Variants in DGKH observed in about 807,000 individuals in gnomAD.
DGKH encodes diacylglycerol kinase eta.
A neutral mutation model predicts 159.3 loss-of-function variants in DGKH; 90 were observed. That is an observed-to-expected ratio of 0.57 (90% CI 0.48 to 0.67). The LOEUF (loss-of-function observed/expected upper bound fraction) is 0.67, where lower values mean the gene tolerates loss of function less well. Among genes scored for constraint, DGKH ranks in the 30% least tolerant of loss-of-function variants. The probability of loss-of-function intolerance (pLI) is 0.00; values close to 1 mark genes in which losing one functional copy is unlikely to be tolerated. For synonymous variants in DGKH, 536 were observed against 553.8 expected (o/e 0.97, Z 0.45); for missense variants, 1,181 against 1,506.1 (o/e 0.78, Z 3.57).
intron 1 of DGKH, among the ~76,000 whole-genome samples, chr13:42,104,294 G>T (rs1455432122): frequency 6.6e-6 from 1 of 152,144 alleles, no homozygotes; most frequent in East Asian, 1.9e-4. Flanking sequence ...AATTGTCTTT[G>T]CTTGGGCTAA....
At chr13:42,250,708 A>T (rs1310974053) in intron 29 of DGKH, among the ~76,000 whole-genome samples, 2 of 152,256 alleles carry the variant, frequency 1.3e-5, no homozygotes, top group Non-Finnish European at 1.5e-5. Context: ...CAACCAATTA[A>T]AGGACAGAAG....
chr13:42,187,384 G>T (rs1160387933), intron 14 of DGKH, among the ~76,000 whole-genome samples: 1 of 152,004 alleles, frequency 6.6e-6, no homozygotes, highest in East Asian at 1.9e-4. Context: ...CCCAGTGATT[G>T]ATTTTTTTTG....
At chr13:42,097,364 C>G (rs994192267) in intron 1 of DGKH, among the ~76,000 whole-genome samples, 1 of 152,176 alleles carries the variant, frequency 6.6e-6, no homozygotes, top group Non-Finnish European at 1.5e-5. Context: ...CAAGAGAACA[C>G]GAATACCCTT....
intron 13 of DGKH, among the ~76,000 whole-genome samples, chr13:42,186,634 TATG>T (rs1368787329): frequency 6.6e-6 from 1 of 152,224 alleles, no homozygotes; most frequent in Non-Finnish European, 1.5e-5. Flanking sequence ...AAAATATCCA[TATG>T]ATGAGTCGTG....
chr13:42,205,126 CTT>C (rs1268919216), intron 20 of DGKH, among the ~76,000 whole-genome samples: 2 of 152,040 alleles, frequency 1.3e-5, no homozygotes, highest in South Asian at 2.1e-4. Flanking sequence ...AAGCTGTTCT[CTT>C]TTAAAATGAA....
intron 1 of DGKH, among the ~76,000 whole-genome samples, chr13:42,073,549 T>C (rs987423251): frequency 2.0e-5 from 3 of 152,194 alleles, no homozygotes; most frequent in Non-Finnish European, 4.4e-5. Flanking sequence ...ATAGGCTTCA[T>C]GTTAGATGAT....
chr13:42,193,973 T>C (rs1801762796), intron 16 of DGKH, among the ~76,000 whole-genome samples: 1 of 152,204 alleles, frequency 6.6e-6, no homozygotes, highest in South Asian at 2.1e-4. Context: ...TTTCTTCTTC[T>C]TGTGTACTTT....
chr13:42,047,262 C>G (rs1880849738), upstream of DGKH, among the ~76,000 whole-genome samples: 1 of 152,086 alleles, frequency 6.6e-6, no homozygotes, highest in African/African-American at 2.4e-5. Flanking sequence ...CATACTATTT[C>G]TTAAAACTTC....
intron 1 of DGKH, among the ~76,000 whole-genome samples, chr13:42,054,608 G>T (rs1881613862): frequency 6.6e-6 from 1 of 152,124 alleles, no homozygotes; most frequent in Admixed American, 6.5e-5. Context: ...GGGGAGAACT[G>T]GATAACTCCA....
At chr13:42,047,821 A>C (rs1242230117), upstream of DGKH, among the ~76,000 whole-genome samples, 2 of 151,594 alleles carry the variant, frequency 1.3e-5, no homozygotes, top group African/African-American at 4.8e-5. Context: ...TCTTCCAGGC[A>C]ATCTCGGTTA....
intron 1 of DGKH, among the ~76,000 whole-genome samples, chr13:42,106,553 A>G (rs1954761334): frequency 6.6e-6 from 1 of 152,236 alleles, no homozygotes; most frequent in Non-Finnish European, 1.5e-5. Flanking sequence ...TCTTTTCAAG[A>G]CAGCTATTCT....
intron 5 of DGKH, among the ~76,000 whole-genome samples, chr13:42,156,354 T>C (rs191110914): frequency 6.6e-6 from 1 of 152,162 alleles, no homozygotes; most frequent in African/African-American, 2.4e-5. Context: ...ACGATCCTCC[T>C]ACCTCAGTCT....
At chr13:42,247,138 C>G (rs1393479501), downstream of DGKH, among the ~76,000 whole-genome samples, 3 of 152,036 alleles carry the variant, frequency 2.0e-5, no homozygotes, top group Non-Finnish European at 4.4e-5. Flanking sequence ...TACCATATAA[C>G]ACACACAATT....
intron 1 of DGKH, among the ~76,000 whole-genome samples, chr13:42,107,486 A>G (rs545178411): frequency 2.4e-3 from 360 of 152,326 alleles, no homozygotes; most frequent in African/African-American, 8.1e-3. Flanking sequence ...ACCAATAAAG[A>G]TTTTGAGCAG....
At chr13:42,245,638 T>A (rs1033840351), downstream of DGKH, among the ~76,000 whole-genome samples, 2 of 151,946 alleles carry the variant, frequency 1.3e-5, no homozygotes, top group South Asian at 2.1e-4. Context: ...CAGGCTGGAG[T>A]GCAGTGGTGT....
intron 3 of DGKH, among the ~76,000 whole-genome samples, chr13:42,146,515 C>T (rs1955737025): frequency 1.3e-5 from 2 of 152,148 alleles, no homozygotes; most frequent in Admixed American, 6.5e-5. Context: ...AACCCAAATG[C>T]ACAAGTTAGA....
At chr13:42,101,838 G>A (rs1217781997) in intron 1 of DGKH, among the ~76,000 whole-genome samples, 1 of 152,058 alleles carries the variant, frequency 6.6e-6, no homozygotes, top group East Asian at 1.9e-4. Flanking sequence ...AGAAAGTTGT[G>A]GCAATGGAAA....
At position 42,235,622 on chromosome 13, in the gene DGKH, C is replaced by A. The variant is rs1958397554; in HGVS notation, c.*6434C>A. 1 of 152,116 alleles carries A rather than the reference C, an allele frequency of 6.6e-6. No homozygotes were observed. The highest frequency in any genetic ancestry group is 1.5e-5 in the Non-Finnish European group (1 of 67,990). 9.4% of individuals were successfully genotyped at this position (152,116 alleles called of 1,614,324 possible). On this transcript the variant is annotated 3_prime_UTR_variant, in exon 30 of 30. Transcript: ENST00000337343. ...GCTTAGCCGTATCTATTTCTGTATACCAAGTATTAAGCTGATATGTAGCTA... is the reference window on the plus strand; with the variant it reads ...GCTTAGCCGTATCTATTTCTGTATAACAAGTATTAAGCTGATATGTAGCTA...
At position 42,219,222 on chromosome 13, in the gene DGKH, G is replaced by A. The variant is rs764817814; in HGVS notation, c.3214-8G>A. The A allele has an allele frequency of 3.7e-6, 6 of 1,613,030 alleles. No individual in the cohort carries two copies. The highest frequency in any genetic ancestry group is 4.2e-6 in the Non-Finnish European group (5 of 1,179,628). On this transcript the variant is annotated splice_region_variant and splice_polypyrimidine_tract_variant and intron_variant, in intron 26 of 29. Transcript: ENST00000337343. ...TTTTGTTTTGTCTTTTAATCTGCTGGTAAATAGCAGCTGGAATCGCCACAT... is the reference window on the plus strand; with the variant it reads ...TTTTGTTTTGTCTTTTAATCTGCTGATAAATAGCAGCTGGAATCGCCACAT...
Sources: allele counts gnomAD v4.1 joint callset (sites outside exome capture counted in the v4.1 genomes callset), GRCh38; gene constraint gnomAD v4.1.1; transcripts MANE v1.5; gene names NCBI Gene and HGNC (gene_info 2026-07-23, HGNC 2026-07-21).